The following DPP6 variants were observed in gnomAD, a reference collection of about 807,000 sequenced individuals.
The protein encoded by DPP6 is A-type potassium channel modulatory protein DPP6.
Under a neutral mutation model 122.6 loss-of-function variants are expected in DPP6, and 69 were observed. The ratio of observed to expected loss-of-function variants is 0.56; its 90% CI spans 0.46 to 0.69. DPP6 has a LOEUF of 0.69. DPP6 is among the 30% of genes least tolerant of loss of function. DPP6 has a pLI of 0.00. For missense variants in DPP6, 928 were observed against 1,116.9 expected (o/e 0.83, Z 2.41); for synonymous variants, 418 against 433.1 (o/e 0.97, Z 0.43).
In DPP6 at chr7:154,781,461, A is replaced by G. The variant is rs575422696; in HGVS notation, c.1136+8519A>G. Among the ~76,000 whole-genome samples, 17 of 152,318 alleles carry G rather than the reference A, an allele frequency of 1.1e-4. No homozygotes were observed. The South Asian group carries it at 3.3e-3, about 30-fold the overall frequency. ...ATGGAAGGGACAGGCAGCATGGTCT[A>G]TTCCTACATGGAAAGTGAAATTATG... On this transcript the variant is annotated intron_variant, in intron 10 of 25. Coordinates refer to ENST00000377770, the MANE Select transcript of DPP6 (RefSeq NM_130797.4).
At chr7:154,084,989 CA>C (rs370222780) in intron 1 of DPP6, among the ~76,000 whole-genome samples, 39 of 78,422 alleles carry the variant, frequency 5.0e-4, no homozygotes, top group Middle Eastern at 8.1e-3. Flanking sequence ...GACTCCGTCT[CA>C]AAAAAAAAAA....
At chr7:153,803,848 C>CACACACATATATATAT in the DPP6 span, among the ~76,000 whole-genome samples, 4 of 149,348 alleles carry the variant, frequency 2.7e-5, no homozygotes, top group Non-Finnish European at 5.9e-5. Context: ...TACATACACA[C>CACACACATATATATAT]ACACACATAT....
intron 8 of DPP6, among the ~76,000 whole-genome samples, chr7:154,763,103 G>A (rs560987896): frequency 4.6e-5 from 7 of 152,324 alleles, no homozygotes; most frequent in African/African-American, 1.4e-4. Flanking sequence ...AGGCCCAGGC[G>A]GGTGGATCAC....
chr7:154,450,597 T>C (rs1820275824), intron 2 of DPP6, among the ~76,000 whole-genome samples: 1 of 152,180 alleles, frequency 6.6e-6, no homozygotes, highest in Admixed American at 6.5e-5. Context: ...GTCTCCTGCG[T>C]GAGCGAGCTT....
At chr7:154,860,187 C>A (rs1037895036) in intron 17 of DPP6, among the ~76,000 whole-genome samples, 1 of 152,116 alleles carries the variant, frequency 6.6e-6, no homozygotes, top group African/African-American at 2.4e-5. Context: ...CTGGGCGCAC[C>A]CCTGCCCCAC....
intron 1 of DPP6, among the ~76,000 whole-genome samples, chr7:153,938,106 G>T (rs1801541670): frequency 6.6e-6 from 1 of 152,146 alleles, no homozygotes; most frequent in African/African-American, 2.4e-5. Flanking sequence ...AGAATATGAT[G>T]AGCTCCCTGC....
chr7:154,876,213 G>A (rs1804841790), intron 20 of DPP6, 113 bp downstream of exon 20: 1 of 1,369,212 alleles, frequency 7.3e-7, no homozygotes, highest in Non-Finnish European at 9.4e-7. Context: ...CATTTTTCAT[G>A]CAATTTGCTC....
intron 1 of DPP6, among the ~76,000 whole-genome samples, chr7:154,060,208 G>T (rs72505523): frequency 2.9e-5 from 4 of 139,116 alleles, no homozygotes; most frequent in African/African-American, 1.1e-4. Context: ...CTGAGAGCGA[G>T]CCCCTCTTCC....
the DPP6 span, among the ~76,000 whole-genome samples, chr7:153,786,514 C>T: frequency 2.3e-4 from 35 of 151,360 alleles, no homozygotes; most frequent in Admixed American, 2.0e-4. Flanking sequence ...CCGAGGCGGG[C>T]GGATCACGAG....
At chr7:154,634,110 C>T (rs1835574439) in intron 5 of DPP6, among the ~76,000 whole-genome samples, 3 of 150,450 alleles carry the variant, frequency 2.0e-5, no homozygotes, top group Non-Finnish European at 4.4e-5. Context: ...GTGCTGCACC[C>T]ATTAACTTGT....
chr7:154,228,119 C>G (rs1437218619), intron 1 of DPP6, among the ~76,000 whole-genome samples: 1 of 152,178 alleles, frequency 6.6e-6, no homozygotes, highest in East Asian at 1.9e-4. Flanking sequence ...ATCCTGAGAT[C>G]AATAATTCTC....
intron 1 of DPP6, among the ~76,000 whole-genome samples, chr7:154,417,541 G>A (rs918911283): frequency 2.0e-5 from 3 of 152,122 alleles, no homozygotes; most frequent in Admixed American, 2.0e-4. Flanking sequence ...TTCTCCCTTG[G>A]GTTTTTCCCT....
intron 1 of DPP6, among the ~76,000 whole-genome samples, chr7:154,438,238 A>C (rs546545567): frequency 2.4e-4 from 36 of 152,132 alleles, no homozygotes; most frequent in East Asian, 9.7e-4. Context: ...GAGGCCAAGG[A>C]GGGTGGATCA....
At chr7:154,511,922 G>A (rs1826123532) in intron 3 of DPP6, among the ~76,000 whole-genome samples, 1 of 152,204 alleles carries the variant, frequency 6.6e-6, no homozygotes, top group African/African-American at 2.4e-5. Flanking sequence ...TACGAGTGAA[G>A]CACAGTTTTC....
intron 1 of DPP6, among the ~76,000 whole-genome samples, chr7:154,369,392 A>G (rs1320097386): frequency 1.3e-5 from 2 of 151,812 alleles, no homozygotes; most frequent in Non-Finnish European, 2.9e-5. Flanking sequence ...TTTGAGACAG[A>G]GTTTTGCTAT....
upstream of DPP6, among the ~76,000 whole-genome samples, chr7:153,884,988 AT>A (rs1397755854): frequency 0.02 from 85 of 4,346 alleles, no homozygotes; most frequent in South Asian, 0.041. Flanking sequence ...CAAAACAAAA[AT>A]ATATATATAT....
At chr7:154,682,825 C>T (rs1839365253) in intron 7 of DPP6, among the ~76,000 whole-genome samples, 1 of 152,202 alleles carries the variant, frequency 6.6e-6, no homozygotes, top group African/African-American at 2.4e-5. Flanking sequence ...TTTCACTTCT[C>T]TGATGTGTGG....
chr7:154,316,321 C>A (rs1807425213), intron 1 of DPP6, among the ~76,000 whole-genome samples: 2 of 152,310 alleles, frequency 1.3e-5, no homozygotes, highest in Admixed American at 1.3e-4. Context: ...TTCAGTCTTG[C>A]TGTGATTCAT....
chr7:153,801,532 A>C, the DPP6 span, among the ~76,000 whole-genome samples: 1 of 152,164 alleles, frequency 6.6e-6, no homozygotes, highest in African/African-American at 2.4e-5. Flanking sequence ...GGAAATCCTC[A>C]GAGTAGATTG....
Sources: allele counts gnomAD v4.1 joint callset (sites outside exome capture counted in the v4.1 genomes callset), GRCh38; gene constraint gnomAD v4.1.1; transcripts MANE v1.5; gene names NCBI Gene and HGNC (gene_info 2026-07-23, HGNC 2026-07-21).